GPC3: variants seen among roughly 807,000 people sequenced by gnomAD.
The protein encoded by GPC3 is glypican-3.
A neutral mutation model predicts 34.4 loss-of-function variants in GPC3; 3 were observed. The observed-to-expected ratio is 0.09, with a 90% CI of 0.04 to 0.23. The LOEUF is 0.23. Ranked by LOEUF, GPC3 falls within the 10% of genes least tolerant of loss-of-function variation. The pLI is 1.00. For missense variants in GPC3, 351 were observed against 445.6 expected (o/e 0.79, Z 1.91); for synonymous variants, 177 against 174.0 (o/e 1.02, Z -0.13).
At chrX:133,661,876 G>C in intron 5 of GPC3, 26 bp from the exon 6 acceptor site, 2 of 1,197,786 alleles carry the variant, frequency 1.7e-6, no homozygotes, top group Non-Finnish European at 2.3e-6. Context: ...TAAAGAAAAG[G>C]TTTGTCAAAG....
intron 2 of GPC3, among the ~76,000 whole-genome samples, chrX:133,820,671 A>T (rs2075714784): frequency 9.0e-6 from 1 of 111,684 alleles, no homozygotes; most frequent in Non-Finnish European, 1.9e-5. Flanking sequence ...AATGGGAGGA[A>T]GTCCATACAA....
At chrX:133,798,868 G>C (rs1603249808) in intron 2 of GPC3, among the ~76,000 whole-genome samples, 1 of 111,539 alleles carries the variant, frequency 9.0e-6, no homozygotes, top group Non-Finnish European at 1.9e-5. Flanking sequence ...AAGACAAAAG[G>C]GTACTAGAAA....
intron 5 of GPC3, among the ~76,000 whole-genome samples, chrX:133,666,175 G>T (rs1469491669): frequency 9.0e-6 from 1 of 111,598 alleles, no homozygotes; most frequent in Non-Finnish European, 1.9e-5. Flanking sequence ...TCAGAAAAGT[G>T]CCCCTTTAGC....
intron 2 of GPC3, among the ~76,000 whole-genome samples, chrX:133,878,550 T>G (rs891801265): frequency 8.9e-6 from 1 of 112,606 alleles, no homozygotes; most frequent in African/African-American, 3.2e-5. Flanking sequence ...AGAACTGTGC[T>G]GAATTAGTTT....
intron 7 of GPC3, among the ~76,000 whole-genome samples, chrX:133,553,656 C>A (rs750845923): frequency 1.8e-5 from 2 of 111,251 alleles, no homozygotes; most frequent in African/African-American, 6.5e-5. Flanking sequence ...TTTTCCCAAA[C>A]CATTTAGGAA....
chrX:133,705,712 AC>A (rs1457798175), intron 3 of GPC3, among the ~76,000 whole-genome samples: 1 of 112,330 alleles, frequency 8.9e-6, no homozygotes, highest in East Asian at 2.8e-4. Flanking sequence ...TTATGTGGAC[AC>A]CTTACCTATA....
intron 6 of GPC3, among the ~76,000 whole-genome samples, chrX:133,636,839 T>C (rs903869375): frequency 1.8e-5 from 2 of 110,874 alleles, no homozygotes; most frequent in African/African-American, 6.6e-5. Flanking sequence ...CACTAGCAGA[T>C]CTCCCCTCAC....
chrX:133,817,458 C>G (rs1006641404), intron 2 of GPC3, among the ~76,000 whole-genome samples: 5 of 110,274 alleles, frequency 4.5e-5, no homozygotes, highest in Admixed American at 9.7e-5. Flanking sequence ...ATGTATATAT[C>G]TGAGAAAGTT....
intron 1 of GPC3, among the ~76,000 whole-genome samples, chrX:133,974,973 A>G (rs985103224): frequency 3.6e-5 from 4 of 111,195 alleles, no homozygotes; most frequent in Non-Finnish European, 7.5e-5. Flanking sequence ...CTATATTTCA[A>G]GCACACTCAT....
intron 6 of GPC3, among the ~76,000 whole-genome samples, chrX:133,600,268 C>T (rs996619003): frequency 9.0e-5 from 10 of 111,659 alleles, no homozygotes; most frequent in Non-Finnish European, 1.9e-4. Context: ...AGGAGAAAGT[C>T]AAGGCCCAGA....
chrX:133,625,523 C>T (rs1331051104), intron 6 of GPC3, among the ~76,000 whole-genome samples: 2 of 111,645 alleles, frequency 1.8e-5, no homozygotes, highest in African/African-American at 6.5e-5. Flanking sequence ...ACACCAATAA[C>T]AGACAAACAG....
intron 6 of GPC3, among the ~76,000 whole-genome samples, chrX:133,649,257 GAT>G (rs200113472): frequency 3.1e-4 from 31 of 98,963 alleles, no homozygotes; most frequent in Non-Finnish European, 5.6e-4. Context: ...AAATGACGAG[GAT>G]ATATATATAT....
intron 2 of GPC3, among the ~76,000 whole-genome samples, chrX:133,813,885 T>C (rs2075676661): frequency 8.9e-6 from 1 of 112,165 alleles, no homozygotes; most frequent in Non-Finnish European, 1.9e-5. Flanking sequence ...GGCATTAAGA[T>C]GCTGCTCTGC....
At chrX:133,822,133 G>A (rs1452446584) in intron 2 of GPC3, among the ~76,000 whole-genome samples, 1 of 112,031 alleles carries the variant, frequency 8.9e-6, no homozygotes, top group Non-Finnish European at 1.9e-5. Flanking sequence ...ACTGTTCTGA[G>A]TAGCGTGATG....
intron 2 of GPC3, among the ~76,000 whole-genome samples, chrX:133,838,956 A>G (rs1281212430): frequency 1.8e-5 from 2 of 111,415 alleles, no homozygotes; most frequent in African/African-American, 6.5e-5. Flanking sequence ...CAATTCCCCC[A>G]CACGGTGGCA....
At chrX:133,850,189 G>GTTTTTTTTTTTT (rs1282213093) in intron 2 of GPC3, among the ~76,000 whole-genome samples, 3 of 72,676 alleles carry the variant, frequency 4.1e-5, no homozygotes, top group African/African-American at 2.3e-4. Context: ...TGTTTTTTGG[G>GTTTTTTTTTTTT]TTTTGTTTTT....
chrX:133,965,479 T>C (rs767379476), intron 1 of GPC3, among the ~76,000 whole-genome samples: 16 of 110,184 alleles, frequency 1.5e-4, no homozygotes, highest in South Asian at 4.0e-4. Flanking sequence ...GAGGCAGAGA[T>C]TGGAATGATA....
intron 2 of GPC3, among the ~76,000 whole-genome samples, chrX:133,920,954 A>G (rs1251907576): frequency 9.0e-6 from 1 of 111,648 alleles, no homozygotes; most frequent in Admixed American, 9.5e-5. Flanking sequence ...CAGATTTCCC[A>G]CTAATGTCCT....
chrX:133,780,149 C>T (rs2072031491), intron 2 of GPC3, among the ~76,000 whole-genome samples: 1 of 111,336 alleles, frequency 9.0e-6, no homozygotes, highest in African/African-American at 3.3e-5. Flanking sequence ...TGAAGAGTCA[C>T]AAAATTTTTT....
Sources: allele counts gnomAD v4.1 joint callset (sites outside exome capture counted in the v4.1 genomes callset), GRCh38; gene constraint gnomAD v4.1.1; transcripts MANE v1.5; gene names NCBI Gene and HGNC (gene_info 2026-07-23, HGNC 2026-07-21).